Variants in DNAJC24 observed in about 807,000 individuals in gnomAD.
The protein encoded by DNAJC24 is dnaJ homolog subfamily C member 24.
Under a neutral mutation model 18.0 loss-of-function variants are expected in DNAJC24, and 17 were observed. That is an observed-to-expected ratio of 0.94 (90% CI 0.65 to 1.42). The LOEUF (loss-of-function observed/expected upper bound fraction) is 1.42, where lower values mean the gene tolerates loss of function less well. Among genes scored for constraint, DNAJC24 ranks in the 40% most tolerant of loss-of-function variants. DNAJC24 has a pLI of 0.00. For missense variants in DNAJC24, 158 were observed against 175.6 expected (o/e 0.90, Z 0.57); for synonymous variants, 55 against 57.7 (o/e 0.95, Z 0.21).
At chr11:31,386,488 C>T (rs1952432182) in intron 2 of DNAJC24, among the ~76,000 whole-genome samples, 2 of 151,928 alleles carry the variant, frequency 1.3e-5, no homozygotes, top group Admixed American at 1.3e-4. Context: ...CATTTCTAGA[C>T]ACACCATGAG....
At chr11:31,427,154 A>T (rs1311478573) in intron 4 of DNAJC24, 2 of 152,200 alleles carry the variant, frequency 1.3e-5, no homozygotes, top group African/African-American at 4.8e-5. Context: ...AATTCCCTCC[A>T]GGTTTATAAA....
intron 4 of DNAJC24, chr11:31,429,744 TA>T (rs771319818): frequency 5.3e-5 from 9 of 168,736 alleles, no homozygotes; most frequent in Non-Finnish European, 6.5e-5. Flanking sequence ...GTTGTGTTTA[TA>T]GACTTAAGTC....
chr11:31,385,524 T>A (rs1244645740), intron 2 of DNAJC24, among the ~76,000 whole-genome samples: 1 of 152,210 alleles, frequency 6.6e-6, no homozygotes, highest in Non-Finnish European at 1.5e-5. Flanking sequence ...TCACTTACTG[T>A]CCCACCATAT....
intron 3 of DNAJC24, among the ~76,000 whole-genome samples, chr11:31,421,634 A>G (rs1424452907): frequency 2.0e-5 from 3 of 151,996 alleles, no homozygotes; most frequent in Non-Finnish European, 4.4e-5. Context: ...TTTTATTTTT[A>G]CTTTATTTTT....
At chr11:31,391,953 A>G (rs747495141) in intron 2 of DNAJC24, among the ~76,000 whole-genome samples, 1 of 152,214 alleles carries the variant, frequency 6.6e-6, no homozygotes. Flanking sequence ...AACAACATGC[A>G]TGGAAAGAAG....
chr11:31,384,518 A>G (rs1258596631), intron 2 of DNAJC24: 3 of 152,258 alleles, frequency 2.0e-5, no homozygotes, highest in Non-Finnish European at 4.4e-5. Context: ...AAGGTTAAGA[A>G]GGAAGTTGGC....
chr11:31,378,633 GCAGT>G (rs1952343849), intron 2 of DNAJC24, among the ~76,000 whole-genome samples: 1 of 151,914 alleles, frequency 6.6e-6, no homozygotes, highest in Non-Finnish European at 1.5e-5. Flanking sequence ...AAAAAAGCAG[GCAGT>G]CAGTTACCTT....
chr11:31,381,576 T>A (rs562351917), intron 2 of DNAJC24, among the ~76,000 whole-genome samples: 30 of 136,712 alleles, frequency 2.2e-4, no homozygotes, highest in East Asian at 4.1e-4. Flanking sequence ...CAAAAAAAAA[T>A]TTTTTTTTTT....
chr11:31,416,280 T>G lies in DNAJC24; in HGVS notation c.250+1331T>G, dbSNP rs1263851862. On this transcript the variant is annotated intron_variant, in intron 3 of 4. Transcript: ENST00000465995. ...AGCATCTGTCTAATGTATTTATTTT[T>G]TAAACATGTTTGTACTTTTTGCAAA... 4.6e-5 allele frequency: 7 copies of G among 152,338 alleles called. No homozygotes were observed. In the East Asian group the frequency reaches 1.3e-3, roughly 29 times the overall value. The allele number at this position is 152,338 out of a possible 1,614,324, so 9.4% of individuals were successfully genotyped here.
intron 3 of DNAJC24, chr11:31,417,162 A>T (rs1395864994): frequency 6.7e-6 from 1 of 148,220 alleles, no homozygotes; most frequent in Non-Finnish European, 1.5e-5. Context: ...TTAAGTACTA[A>T]GTATTGCCTC....
intron 2 of DNAJC24, among the ~76,000 whole-genome samples, chr11:31,407,706 AATAT>A (rs869293205): frequency 4.9e-5 from 3 of 61,694 alleles, no homozygotes; most frequent in East Asian, 7.6e-4. Context: ...AAAAAAAAAA[AATAT>A]ATATATATAT....
At chr11:31,374,280 T>G in intron 2 of DNAJC24, 1 of 159,746 alleles carries the variant, frequency 6.3e-6, no homozygotes, top group Admixed American at 6.7e-5. Flanking sequence ...ATTAATACTT[T>G]GCTAAGAGTT....
At chr11:31,416,150 C>G (rs888508505) in intron 3 of DNAJC24, 1 of 151,994 alleles carries the variant, frequency 6.6e-6, no homozygotes, top group Non-Finnish European at 1.5e-5. Flanking sequence ...TTATTTTTTT[C>G]TTAAATATTA....
chr11:31,430,091 T>C (rs1431211142), intron 4 of DNAJC24, among the ~76,000 whole-genome samples, 180 bp from the exon 5 acceptor site: 4 of 152,190 alleles, frequency 2.6e-5, no homozygotes, highest in African/African-American at 9.6e-5. Context: ...CTTTGGTAGA[T>C]AATTTTTAGA....
At chr11:31,397,330 C>A (rs1952551244) in intron 2 of DNAJC24, among the ~76,000 whole-genome samples, 1 of 152,146 alleles carries the variant, frequency 6.6e-6, no homozygotes, top group African/African-American at 2.4e-5. Context: ...AAGCACAAAA[C>A]CTTAAAAGAG....
rs1252920331 is a variant in DNAJC24, at chr11:31,414,958, T to G, written c.250+9T>G. Reference sequence around the variant, plus strand: ...TGACCTGCAGCGGTGTGGTAGGTGCTTGTGTTGAGGAGCCACAGCACATCG... The same window carrying G: ...TGACCTGCAGCGGTGTGGTAGGTGCGTGTGTTGAGGAGCCACAGCACATCG... On this transcript the variant is annotated intron_variant, in intron 3 of 4. Coordinates refer to ENST00000465995, the MANE Select transcript of DNAJC24 (RefSeq NM_181706.5). 1 of 1,611,718 alleles carries G rather than the reference T, an allele frequency of 6.2e-7. No individual in the cohort carries two copies. Among genetic ancestry groups the G allele is most frequent in the Non-Finnish European group, 8.5e-7 (1 of 1,179,296 alleles).
At chr11:31,421,941 A>C (rs1952808140) in intron 3 of DNAJC24, 2 of 439,310 alleles carry the variant, frequency 4.6e-6, no homozygotes, top group South Asian at 3.3e-5. Flanking sequence ...GAATCTCCGT[A>C]GATTTTCCTT....
chr11:31,426,553 C>G (rs1405793244), intron 4 of DNAJC24, 198 bp downstream of exon 4: 1 of 424,932 alleles, frequency 2.4e-6, no homozygotes, highest in African/African-American at 2.1e-5. Flanking sequence ...CCCTATATGA[C>G]TCATTTCCAG....
chr11:31,408,043 G>T, intron 2 of DNAJC24: 1 of 453,930 alleles, frequency 2.2e-6, no homozygotes, highest in South Asian at 1.6e-5. Context: ...ATTAGTGAAC[G>T]AAAGGTATCA....
Sources: allele counts gnomAD v4.1 joint callset (sites outside exome capture counted in the v4.1 genomes callset), GRCh38; gene constraint gnomAD v4.1.1; transcripts MANE v1.5; gene names NCBI Gene and HGNC (gene_info 2026-07-23, HGNC 2026-07-21).